ORM1: variants seen among roughly 807,000 people sequenced by gnomAD.
ORM1 encodes orosomucoid 1, also known as alpha-1-acid glycoprotein 1.
ORM1 carries 13 observed loss-of-function variants against 26.9 expected under a neutral mutation model. The observed-to-expected ratio is 0.48, with a 90% CI of 0.31 to 0.77. The LOEUF (loss-of-function observed/expected upper bound fraction) is 0.77, where lower values mean the gene tolerates loss of function less well. Ranked by LOEUF, ORM1 falls within the 30% of genes least tolerant of loss-of-function variation. The pLI is 0.04. For missense variants in ORM1, 189 were observed against 246.8 expected, an observed-to-expected ratio of 0.77 and a Z score of 1.57; for synonymous variants, 76 against 102.2, an observed-to-expected ratio of 0.74 and a Z score of 1.55.
rs367861366 is a variant in ORM1 at position 114,324,054 on chromosome 9, T to G, written c.294T>G (p.Asn98Lys). Reference sequence around the variant, plus strand: ...GCATCTATAACACCACCTACCTGAATGTCCAGCGGGAAAATGGGACCATCT... The same window carrying G: ...GCATCTATAACACCACCTACCTGAAGGTCCAGCGGGAAAATGGGACCATCT... ...DQCIYNTTYL[N>K]VQRENGTISR... The change falls in exon 3 of 6, where the codon AAT (asparagine) becomes AAG (lysine). Residue 98 changes from asparagine to lysine, a missense_variant. This residue lies in a region of ORM1 where 163 missense variants were observed against 157.7 expected (regional missense o/e 1.03). Coordinates refer to ENST00000259396, the MANE Select transcript of ORM1 (RefSeq NM_000607.4). The G allele has an allele frequency of 1.2e-6, 2 of 1,614,046 alleles. No homozygotes were observed. Among genetic ancestry groups the G allele is most frequent in the Non-Finnish European group, 8.5e-7 (1 of 1,180,004 alleles).
intron 2 of ORM1, 76 bp from the exon 3 acceptor site, chr9:114,323,942 C>T: frequency 6.3e-7 from 1 of 1,598,174 alleles, no homozygotes; most frequent in South Asian, 1.1e-5. Flanking sequence ...CAGACTCTTG[C>T]CCCAGGACTG....
chr9:114,324,953 C>A (rs1010780958), intron 4 of ORM1, 56 bp downstream of exon 4: 8 of 1,590,020 alleles, frequency 5.0e-6, no homozygotes, highest in South Asian at 4.4e-5. Context: ...ACCCCCCATT[C>A]ACCCACCCCT....
intron 3 of ORM1, 97 bp from the exon 4 acceptor site, chr9:114,324,693 C>A: frequency 2.0e-6 from 2 of 988,518 alleles, no homozygotes; most frequent in Non-Finnish European, 3.1e-6. Flanking sequence ...CACTGATGGG[C>A]TGTGTGGCCA....
chr9:114,324,633 G>T (rs1248460456), intron 3 of ORM1, among the ~76,000 whole-genome samples, 157 bp from the exon 4 acceptor site: 1 of 152,186 alleles, frequency 6.6e-6, no homozygotes, highest in Admixed American at 6.5e-5. Context: ...GTGGAGCTGG[G>T]CATGCAGCAG....
At chr9:114,323,324 C>T (rs757827391) in intron 1 of ORM1, 77 bp downstream of exon 1, 2 of 1,613,150 alleles carry the variant, frequency 1.2e-6, no homozygotes, top group East Asian at 4.5e-5. Flanking sequence ...TCCCTGCTGG[C>T]TGTGGTCGGA....
In ORM1 at chr9:114,325,104, C is replaced by T. The variant is rs1250470614; in HGVS notation, c.492C>T (p.Asp164=). 3.7e-6 allele frequency: 6 copies of T among 1,614,014 alleles called. No individual in the cohort carries two copies. In the South Asian group the frequency reaches 4.4e-5, roughly 12 times the overall value. The change falls in exon 5 of 6, where the codon GAC becomes GAT. Residue 164 remains aspartate (D), a synonymous_variant. Transcript: ENST00000259396. The part of the protein sequence containing the change: ...EQLGEFYEAL[D]CLRIPKSDVV... Reference sequence around the variant, plus strand: ...TGGGAGAGTTCTACGAAGCTCTCGACTGCTTGCGCATTCCCAAGTCAGATG... The same window carrying T: ...TGGGAGAGTTCTACGAAGCTCTCGATTGCTTGCGCATTCCCAAGTCAGATG...
chr9:114,324,083 G>T lies in ORM1; in HGVS notation c.323G>T (p.Arg108Ile), dbSNP rs535024925. Residue 108 changes from arginine (R) to isoleucine (I), a missense_variant, in exon 3 of 6, where the codon AGA becomes ATA. This residue lies in a region of ORM1 where 163 missense variants were observed against 157.7 expected (regional missense o/e 1.03). Coordinates refer to ENST00000259396, the MANE Select transcript of ORM1 (RefSeq NM_000607.4). ...CAGCGGGAAAATGGGACCATCTCCA[G>T]ATACGGTGAGGGCCAGCCCTCAGGC... ...NVQRENGTIS[R>I]YVGGQEHFAH... The T allele has an allele frequency of 6.2e-7, 1 of 1,614,036 alleles. No homozygotes were observed. The highest frequency in any genetic ancestry group is 8.5e-7 in the Non-Finnish European group (1 of 1,179,966).
In ORM1 at chr9:114,323,205, C is replaced by T. The variant is rs1263676660; in HGVS notation, c.72C>T (p.Ala24=). ...TGGAAGCCCAGATCCCATTGTGTGC[C>T]AACCTAGTACCGGTGCCCATCACCA... ...PLLEAQIPLC[A]NLVPVPITNA... Residue 24 remains alanine (A), a synonymous_variant, in exon 1 of 6, where the codon GCC becomes GCT. Coordinates refer to ENST00000259396, the MANE Select transcript of ORM1 (RefSeq NM_000607.4). 1.9e-6 allele frequency: 3 copies of T among 1,589,386 alleles called. No homozygotes were observed. The Admixed American group carries it at 5.2e-5, about 27-fold the overall frequency.
chr9:114,325,096 G>A lies in ORM1; in HGVS notation c.484G>A (p.Ala162Thr). 1.2e-6 allele frequency: 2 copies of A among 1,614,010 alleles called. No homozygotes were observed. The highest frequency in any genetic ancestry group is 1.7e-6 in the Non-Finnish European group (2 of 1,179,878). Residue 162 changes from alanine to threonine, a missense_variant, in exon 5 of 6, where the codon GCT becomes ACT. Physicochemically the swap from Ala to Thr is moderately conservative, Grantham distance 58. Coordinates refer to ENST00000259396, the MANE Select transcript of ORM1 (RefSeq NM_000607.4). ...TKEQLGEFYE[A>T]LDCLRIPKSD... ...GGAGCAACTGGGAGAGTTCTACGAAGCTCTCGACTGCTTGCGCATTCCCAA... is the reference window on the plus strand; with the variant it reads ...GGAGCAACTGGGAGAGTTCTACGAAACTCTCGACTGCTTGCGCATTCCCAA...
At chr9:114,324,165 A>C in intron 3 of ORM1, 77 bp downstream of exon 3, 1 of 1,334,130 alleles carries the variant, frequency 7.5e-7, no homozygotes, top group South Asian at 1.2e-5. Context: ...CTGGATGTAG[A>C]GCCCTGGAGG....
At chr9:114,324,674 C>A in intron 3 of ORM1, 116 bp from the exon 4 acceptor site, 3 of 856,878 alleles carry the variant, frequency 3.5e-6, no homozygotes, top group Non-Finnish European at 3.6e-6. Flanking sequence ...CAAAGGAGCC[C>A]TGGGCCTTCA....
intron 5 of ORM1, 167 bp downstream of exon 5, chr9:114,325,319 G>A (rs1829753151): frequency 4.9e-6 from 3 of 606,646 alleles, no homozygotes; most frequent in Non-Finnish European, 8.5e-6. Flanking sequence ...CAGAGGCCCA[G>A]GGGTGGTGGA....
intron 3 of ORM1, 91 bp from the exon 4 acceptor site, chr9:114,324,699 G>A (rs1006519226): frequency 1.9e-6 from 2 of 1,044,416 alleles, no homozygotes; most frequent in Non-Finnish European, 2.9e-6. Flanking sequence ...TGGGCTGTGT[G>A]GCCACTGACA....
At chr9:114,325,844 G>C (rs1306207368) in intron 5 of ORM1, among the ~76,000 whole-genome samples, 1 of 152,032 alleles carries the variant, frequency 6.6e-6, no homozygotes, top group Admixed American at 6.5e-5. Context: ...CCCATCTGCA[G>C]TCCCAGGATC....
Position 114,324,817 on chromosome 9 carries a change from T to G in ORM1, c.356T>G (p.Leu119Trp). The change falls in exon 4 of 6, where the codon TTG (leucine) becomes TGG (tryptophan). Residue 119 changes from leucine (L) to tryptophan (W), a missense_variant. Physicochemically the swap from Leu to Trp is moderately conservative, Grantham distance 61. Coordinates refer to ENST00000259396, the MANE Select transcript of ORM1 (RefSeq NM_000607.4). ...YVGGQEHFAH[L>W]LILRDTKTYM... is the part of the protein sequence containing the mutation. The stretch of plus-strand genomic sequence containing the variant: ...GGAGGCCAAGAGCATTTCGCTCACT[T>G]GCTGATCCTCAGGGACACCAAGACC... 1.9e-6 allele frequency: 3 copies of G among 1,614,158 alleles called. No homozygotes were observed. In the South Asian group the frequency reaches 3.3e-5, roughly 18 times the overall value.
In ORM1 at chr9:114,323,762, A is replaced by C. The variant is rs1829722391; in HGVS notation, c.214A>C (p.Asn72His). Residue 72 changes from asparagine to histidine, a missense_variant, in exon 2 of 6, where the codon AAC (asparagine) becomes CAC (histidine). By Grantham distance (68) the Asn-to-His change is moderately conservative (BLOSUM62 1). This residue lies in a region of ORM1 where 163 missense variants were observed against 157.7 expected (regional missense o/e 1.03). Coordinates refer to ENST00000259396, the MANE Select transcript of ORM1 (RefSeq NM_000607.4). ...IQATFFYFTP[N>H]KTEDTIFLRE... ...AGCAACCTTCTTTTACTTCACCCCC[A>C]ACAAGACAGAGGACACGATCTTTCT... is the stretch of plus-strand genomic sequence containing the variant. The C allele has an allele frequency of 6.2e-7, 1 of 1,613,842 alleles. No homozygotes were observed. The highest frequency in any genetic ancestry group is 1.3e-5 in the African/African-American group (1 of 74,906).
In ORM1 at chr9:114,323,259, G is replaced by A; in HGVS notation, c.114+12G>A. ...CCACCCTGGACCGGGTGAGTGCCTGGGCTAGCCCTGTCCTGAGCACATGGG... is the reference window on the plus strand; with the variant it reads ...CCACCCTGGACCGGGTGAGTGCCTGAGCTAGCCCTGTCCTGAGCACATGGG... On this transcript the variant is annotated intron_variant, in intron 1 of 5. Transcript: ENST00000259396. 6.2e-7 allele frequency: 1 copy of A among 1,608,104 alleles called. No homozygotes were observed. The highest frequency in any genetic ancestry group is 8.5e-7 in the Non-Finnish European group (1 of 1,177,312).
At chr9:114,324,250 C>T (rs1179465873) in intron 3 of ORM1, among the ~76,000 whole-genome samples, 162 bp downstream of exon 3, 1 of 152,126 alleles carries the variant, frequency 6.6e-6, no homozygotes, top group Non-Finnish European at 1.5e-5. Flanking sequence ...TAAGAGGACA[C>T]TGAGAGAATT....
chr9:114,324,647 C>T, intron 3 of ORM1, 143 bp from the exon 4 acceptor site: 2 of 719,596 alleles, frequency 2.8e-6, no homozygotes, highest in Non-Finnish European at 4.6e-6. Context: ...GCAGCAGGGG[C>T]TGGGCACACG....
Sources: gnomAD v4.1 joint callset for allele counts (sites outside exome capture counted in the v4.1 genomes callset) on GRCh38, gnomAD v4.1.1 for gene constraint, gnomAD v4.1.1 regional missense constraint, MANE v1.5 for transcripts, NCBI Gene and HGNC (gene_info 2026-07-23, HGNC 2026-07-21) for gene names.